HIPK4: variants seen among roughly 807,000 people sequenced by gnomAD.
The protein encoded by HIPK4 is homeodomain-interacting protein kinase 4.
HIPK4 carries 26 observed loss-of-function variants against 44.8 expected under a neutral mutation model. That is an observed-to-expected ratio of 0.58 (90% CI 0.43 to 0.80). HIPK4 has a LOEUF of 0.80. Ranked by LOEUF, HIPK4 falls within the 30% of genes least tolerant of loss-of-function variation. The pLI, the probability that HIPK4 is intolerant of heterozygous loss-of-function variation, is 0.00. For synonymous variants in HIPK4, 340 were observed against 355.5 expected, an observed-to-expected ratio of 0.96 and a Z score of 0.49; for missense variants, 729 against 862.6, an observed-to-expected ratio of 0.85 and a Z score of 1.94.
intron 1 of HIPK4, 49 bp from the exon 2 acceptor site, chr19:40,384,188 C>T (rs1386497577): frequency 1.4e-6 from 2 of 1,468,744 alleles, no homozygotes; most frequent in Admixed American, 2.0e-5. Context: ...GCAGCAGGGA[C>T]AGCCGAGCTG....
chr19:40,383,936 C>T lies in HIPK4; in HGVS notation c.669G>A (p.Gln223=). The T allele has an allele frequency of 6.2e-7, 1 of 1,614,170 alleles. No homozygotes were observed. The highest frequency in any genetic ancestry group is 8.5e-7 in the Non-Finnish European group (1 of 1,180,034). Residue 223 remains glutamine, a synonymous_variant, in exon 2 of 4, where the codon CAG becomes CAA. Coordinates refer to ENST00000291823, the MANE Select transcript of HIPK4 (RefSeq NM_144685.5). ...CCTGGGTTTCGCAGATGTAGCGCAC[C>T]TGGTCGTACTCGTTGTTGCCGGGGT... is the stretch of plus-strand genomic sequence containing the variant. ...PLYPGNNEYD[Q]VRYICETQGL...
At chr19:40,384,264 G>C in intron 1 of HIPK4, 125 bp from the exon 2 acceptor site, 1 of 722,062 alleles carries the variant, frequency 1.4e-6, no homozygotes. Context: ...CCATCTCTGG[G>C]TCTGTGATTC....
In HIPK4 at chr19:40,379,631, G is replaced by A. The variant is rs751560528; in HGVS notation, c.1807C>T (p.Arg603Trp). The part of the protein sequence containing the change: ...PRRSHQHGPP[R>W]GATSFLQHVT... Reference sequence around the variant, plus strand: ...TGCTGGAGGAAGCTGGTGGCCCCCCGGGGTGGACCATGCTGGTGGGAGCGG... The same window carrying A: ...TGCTGGAGGAAGCTGGTGGCCCCCCAGGGTGGACCATGCTGGTGGGAGCGG... The change falls in exon 4 of 4, where the codon CGG (arginine) becomes TGG (tryptophan). Residue 603 changes from arginine to tryptophan, a missense_variant. Around this residue, in one of 2 missense-constraint regions of HIPK4, gnomAD observed 533 missense variants for 567.5 expected, o/e 0.94. Coordinates refer to ENST00000291823, the MANE Select transcript of HIPK4 (RefSeq NM_144685.5). 8.4e-6 allele frequency: 13 copies of A among 1,553,820 alleles called. No individual in the cohort carries two copies. The highest frequency in any genetic ancestry group is 4.8e-5 in the South Asian group (4 of 84,070).
Position 40,389,174 on chromosome 19 carries a change from A to G in HIPK4, c.465+264T>C, listed in dbSNP as rs191484348. Among the ~76,000 whole-genome samples the G allele has an allele frequency of 2.6e-4, 39 of 151,624 alleles. No individual in the cohort carries two copies. The highest frequency in any genetic ancestry group is 9.4e-4 in the African/African-American group (39 of 41,308). ...CCGTCTCTGATAAGTACAAAAAAAA[A>G]ATTAGCTGGGCGTGGTGGCGCATCC... On this transcript the variant is annotated intron_variant, in intron 1 of 3. Transcript: ENST00000291823. This position sits in a 1 kb window ranked among gnomAD's most constrained non-coding sequence, Gnocchi z 4.6.
chr19:40,381,465 C>G (rs532016329), intron 2 of HIPK4, among the ~76,000 whole-genome samples: 1 of 152,350 alleles, frequency 6.6e-6, no homozygotes, highest in East Asian at 1.9e-4. Context: ...CTCTAGTCCT[C>G]CCTGGAATCA....
At chr19:40,379,827 G>A in intron 3 of HIPK4, 58 bp from the exon 4 acceptor site, 1 of 1,539,558 alleles carries the variant, frequency 6.5e-7, no homozygotes. Context: ...AGTGTCTGCT[G>A]AGCCTCTGTC....
chr19:40,382,190 A>G (rs942609485), intron 2 of HIPK4, among the ~76,000 whole-genome samples: 1 of 151,364 alleles, frequency 6.6e-6, no homozygotes, highest in East Asian at 1.9e-4. Context: ...GCAACTGCCA[A>G]CTCCTGGGTT....
At position 40,382,264 on chromosome 19, in the gene HIPK4, T is replaced by C. The variant is rs114009461; in HGVS notation, c.823-1096A>G. On this transcript the variant is annotated intron_variant, in intron 2 of 3. Coordinates refer to ENST00000291823, the MANE Select transcript of HIPK4 (RefSeq NM_144685.5). ...AACTACCGGTGTGTGCCACCATGCC[T>C]GGCTAAATTTTAAAAAAAATTTTTT... Among the ~76,000 whole-genome samples, 723 of 152,226 alleles carry C rather than the reference T, an allele frequency of 4.7e-3. 7 individuals are homozygous for C. The highest frequency in any genetic ancestry group is 0.017 in the African/African-American group (697 of 41,528).
chr19:40,385,800 C>T (rs1336312394), intron 1 of HIPK4, among the ~76,000 whole-genome samples: 17 of 147,714 alleles, frequency 1.2e-4, no homozygotes, highest in African/African-American at 4.3e-4. Context: ...CTCCTCCTCC[C>T]AGGTTCCAGT....
intron 2 of HIPK4, among the ~76,000 whole-genome samples, chr19:40,382,276 A>T (rs1231635851): frequency 6.6e-6 from 1 of 151,976 alleles, no homozygotes; most frequent in Non-Finnish European, 1.5e-5. Flanking sequence ...GCTAAATTTT[A>T]AAAAAAATTT....
rs1271899229 is a variant in HIPK4, at chr19:40,389,165, CA to C, written c.465+272del. 7.3e-5 allele frequency among the ~76,000 whole-genome samples: 9 copies of C among 122,580 alleles called. No individual in the cohort carries two copies. Among genetic ancestry groups the C allele is most frequent in the African/African-American group, 9.3e-5 (3 of 32,320 alleles). 80.4% of individuals were successfully genotyped at this position (122,580 alleles called of 152,430 possible). ...ATCATCACCCCGTCTCTGATAAGTA[CA>C]AAAAAAAAATTAGCTGGGCGTGGTG... is the stretch of plus-strand genomic sequence containing the variant. On this transcript the variant is annotated intron_variant, in intron 1 of 3. Transcript: ENST00000291823. The surrounding 1 kb of genome is among the most constrained non-coding windows in gnomAD (Gnocchi z 4.6).
intron 1 of HIPK4, among the ~76,000 whole-genome samples, chr19:40,388,341 A>G (rs2079372740): frequency 6.6e-6 from 1 of 152,188 alleles, no homozygotes; most frequent in African/African-American, 2.4e-5. Flanking sequence ...CACTTGCAGA[A>G]AGCAGTATCA....
chr19:40,385,250 T>G (rs2145718841), intron 1 of HIPK4, among the ~76,000 whole-genome samples: 1 of 152,286 alleles, frequency 6.6e-6, no homozygotes, highest in South Asian at 2.1e-4. Flanking sequence ...CGGGATAGAT[T>G]GGGTCCTCCC....
chr19:40,387,865 G>C (rs2079370201), intron 1 of HIPK4, among the ~76,000 whole-genome samples: 1 of 151,688 alleles, frequency 6.6e-6, no homozygotes, highest in Non-Finnish European at 1.5e-5. Flanking sequence ...ACAGAGTCGA[G>C]CTCTGTCGCC....
In HIPK4 at chr19:40,379,745, G is replaced by T. The variant is rs1240791561; in HGVS notation, c.1693C>A (p.Pro565Thr). 2 of 1,612,320 alleles carry T rather than the reference G, an allele frequency of 1.2e-6. No homozygotes were observed. Among genetic ancestry groups the T allele is most frequent in the Non-Finnish European group, 8.5e-7 (1 of 1,179,528 alleles). Reference sequence around the variant, plus strand: ...AGCCATTCTCCAGGACAGCTGCTGGGGTCGAAGAGCTCAGGGTCTGGCCTC... The same window carrying T: ...AGCCATTCTCCAGGACAGCTGCTGGTGTCGAAGAGCTCAGGGTCTGGCCTC... ...AERPDPELFD[P>T]SSCPGEWLSE... The change falls in exon 4 of 4, where the codon CCC (proline) becomes ACC (threonine). Residue 565 changes from proline to threonine, a missense_variant. Pro to Thr is a conservative substitution (Grantham distance 38). Around this residue, in one of 2 missense-constraint regions of HIPK4, gnomAD observed 533 missense variants for 567.5 expected, o/e 0.94. Coordinates refer to ENST00000291823, the MANE Select transcript of HIPK4 (RefSeq NM_144685.5).
At chr19:40,388,277 C>A (rs1453497619) in intron 1 of HIPK4, among the ~76,000 whole-genome samples, 2 of 152,170 alleles carry the variant, frequency 1.3e-5, no homozygotes, top group East Asian at 3.9e-4. Context: ...CTCGGCCTCC[C>A]AAAGTGCTGG....
rs529873355 is a variant in HIPK4 at position 40,389,190 on chromosome 19, T to C, written c.465+248A>G. ...CAAAAAAAAAATTAGCTGGGCGTGG[T>C]GGCGCATCCCTGTAATCCCAGCAAC... On this transcript the variant is annotated intron_variant, in intron 1 of 3. Coordinates refer to ENST00000291823, the MANE Select transcript of HIPK4 (RefSeq NM_144685.5). This position sits in a 1 kb window ranked among gnomAD's most constrained non-coding sequence, Gnocchi z 4.6. Among the ~76,000 whole-genome samples the C allele has an allele frequency of 8.2e-4, 124 of 151,734 alleles. No homozygotes were observed. The highest frequency in any genetic ancestry group is 2.8e-3 in the African/African-American group (115 of 41,352).
At position 40,380,926 on chromosome 19, in the gene HIPK4, G is replaced by A. The variant is rs570485639; in HGVS notation, c.1065C>T (p.Ala355=). 4.4e-6 allele frequency: 7 copies of A among 1,605,760 alleles called. No individual in the cohort carries two copies. Among genetic ancestry groups the A allele is most frequent in the Admixed American group, 3.3e-5 (2 of 59,904 alleles). ...PFVSMQQLRS[A]HETTHYYQLS... ...GCTGGTAGTAGTGGGTGGTCTCGTG[G>A]GCACTGCGCAGCTGCTGCATGGACA... The change falls in exon 3 of 4, where the codon GCC becomes GCT. Residue 355 remains alanine, a synonymous_variant. Transcript: ENST00000291823. This position sits in a 1 kb window ranked among gnomAD's most constrained non-coding sequence, Gnocchi z 4.2.
chr19:40,388,388 G>T (rs752642821), intron 1 of HIPK4, among the ~76,000 whole-genome samples: 5 of 152,174 alleles, frequency 3.3e-5, no homozygotes, highest in Non-Finnish European at 5.9e-5. Context: ...ATCCCAGAGT[G>T]CCAGGGCTTC....
Sources: allele counts gnomAD v4.1 joint callset (sites outside exome capture counted in the v4.1 genomes callset), GRCh38; gene constraint gnomAD v4.1.1; regional missense constraint gnomAD v4.1.1; non-coding constraint Gnocchi (gnomAD v3.1); transcripts MANE v1.5; gene names NCBI Gene and HGNC (gene_info 2026-07-23, HGNC 2026-07-21).